ANKDD1B: variants seen among roughly 807,000 people sequenced by gnomAD.
The protein encoded by ANKDD1B is ankyrin repeat and death domain containing 1B.
A neutral mutation model predicts 59.7 loss-of-function variants in ANKDD1B; 57 were observed. That is an observed-to-expected ratio of 0.95 (90% CI 0.77 to 1.19). The LOEUF is 1.19. Ranked by LOEUF, ANKDD1B falls within the 50% of genes most tolerant of loss-of-function variation. The pLI is 0.00. For missense variants in ANKDD1B, 602 were observed against 641.9 expected (o/e 0.94, Z 0.67); for synonymous variants, 216 against 239.5 (o/e 0.90, Z 0.91).
chr5:75,630,651 A>C (rs1406554737), intron 5 of ANKDD1B, among the ~76,000 whole-genome samples: 2 of 152,254 alleles, frequency 1.3e-5, no homozygotes, highest in Non-Finnish European at 2.9e-5. Context: ...TACCAAACTG[A>C]TAAATATGTA....
intron 9 of ANKDD1B, among the ~76,000 whole-genome samples, chr5:75,658,151 C>G (rs773456195): frequency 3.3e-5 from 5 of 152,056 alleles, no homozygotes; most frequent in Admixed American, 6.6e-5. Flanking sequence ...GAGCTACTAT[C>G]ATGCTACTGC....
At chr5:75,632,738 C>G (rs113989081) in intron 5 of ANKDD1B, among the ~76,000 whole-genome samples, 1 of 152,184 alleles carries the variant, frequency 6.6e-6, no homozygotes, top group African/African-American at 2.4e-5. Context: ...CACAAACACA[C>G]TCATGCTGAG....
intron 10 of ANKDD1B, among the ~76,000 whole-genome samples, chr5:75,661,789 C>T (rs16872724): frequency 0.063 from 9,573 of 151,890 alleles, 483 homozygotes; most frequent in South Asian, 0.16. Flanking sequence ...CATGATTTGA[C>T]TTTCCCAGAT....
At chr5:75,611,890 G>C in intron 1 of ANKDD1B, 63 bp downstream of exon 1, 1 of 1,206,196 alleles carries the variant, frequency 8.3e-7, no homozygotes, top group African/African-American at 1.6e-5. Context: ...GAAGGGACTT[G>C]AGAAGGTACC....
intron 10 of ANKDD1B, among the ~76,000 whole-genome samples, chr5:75,660,002 T>C (rs1775085530): frequency 1.3e-5 from 2 of 152,208 alleles, no homozygotes; most frequent in Admixed American, 6.5e-5. Flanking sequence ...CCTCACTTGA[T>C]TGACATTTAA....
At chr5:75,624,705 G>A (rs1773944662) in intron 3 of ANKDD1B, among the ~76,000 whole-genome samples, 1 of 152,022 alleles carries the variant, frequency 6.6e-6, no homozygotes, top group African/African-American at 2.4e-5. Context: ...TGAGATATGT[G>A]TGTTTATTTC....
At chr5:75,628,797 T>C (rs777542105) in intron 5 of ANKDD1B, among the ~76,000 whole-genome samples, 100 of 152,322 alleles carry the variant, frequency 6.6e-4, no homozygotes, top group Non-Finnish European at 1.2e-3. Context: ...ATAAAAATCA[T>C]TGAGGCCTTT....
chr5:75,635,122 A>C (rs980598588), intron 6 of ANKDD1B, 126 bp downstream of exon 6: 16 of 623,164 alleles, frequency 2.6e-5, no homozygotes, highest in Non-Finnish European at 3.6e-5. Context: ...TTAAATTGCT[A>C]CTGTACTCAG....
At chr5:75,643,306 G>A (rs1180189152) in intron 7 of ANKDD1B, among the ~76,000 whole-genome samples, 233 of 36,714 alleles carry the variant, frequency 6.3e-3, no homozygotes, top group African/African-American at 0.013. Flanking sequence ...TCTGAGCTAC[G>A]GGAGGACATT....
At position 75,671,842 on chromosome 5, in the gene ANKDD1B, T is replaced by C. The variant is rs905866338; in HGVS notation, c.*802T>C. 1 of 149,462 alleles carries C rather than the reference T, an allele frequency of 6.7e-6. No homozygotes were observed. Among genetic ancestry groups the C allele is most frequent in the Non-Finnish European group, 1.5e-5 (1 of 67,924 alleles). 9.3% of individuals were successfully genotyped at this position (149,462 alleles called of 1,614,324 possible). A position where few individuals can be genotyped will look rare whatever the true frequency, so the allele number is the denominator to read the frequency against. On this transcript the variant is annotated 3_prime_UTR_variant, in exon 14 of 14. Transcript: ENST00000601380. ...GTTATGAAATAAATGTAAAATTGAG[T>C]GTCAGTTTATGTGCACCTATTCATT...
At chr5:75,653,775 A>T (rs17563312) in intron 8 of ANKDD1B, among the ~76,000 whole-genome samples, 6,650 of 152,334 alleles carry the variant, frequency 0.044, 186 homozygotes, top group Non-Finnish European at 0.064. Context: ...TCCGTTGAGA[A>T]TATGATTTCC....
At chr5:75,615,046 A>C (rs1185387167) in intron 1 of ANKDD1B, among the ~76,000 whole-genome samples, 3 of 152,196 alleles carry the variant, frequency 2.0e-5, no homozygotes, top group East Asian at 3.8e-4. Flanking sequence ...TATGGCAGCA[A>C]AAACAGACTG....
At chr5:75,666,763 A>T (rs1282115845) in intron 11 of ANKDD1B, 29 bp from the exon 12 acceptor site, 1 of 1,473,226 alleles carries the variant, frequency 6.8e-7, no homozygotes, top group Non-Finnish European at 9.2e-7. Context: ...CATGTCTGAA[A>T]TCTTCTGATA....
At chr5:75,615,668 CTGTGTGTGTGTGTGTGTGTGTG>C (rs113185824) in intron 1 of ANKDD1B, among the ~76,000 whole-genome samples, 1 of 144,238 alleles carries the variant, frequency 6.9e-6, no homozygotes, top group East Asian at 2.0e-4. Context: ...CTGGTCTTCC[CTGTGTGTGTGTGTGTGTGTGTG>C]TGTGTGTGTG....
chr5:75,650,884 C>T (rs910232358), intron 7 of ANKDD1B, among the ~76,000 whole-genome samples: 31 of 152,132 alleles, frequency 2.0e-4, no homozygotes, highest in African/African-American at 7.5e-4. Flanking sequence ...TGGAAGTCAG[C>T]CAGGATTTTG....
At chr5:75,640,011 T>C (rs1774421507) in intron 7 of ANKDD1B, among the ~76,000 whole-genome samples, 1 of 152,192 alleles carries the variant, frequency 6.6e-6, no homozygotes, top group African/African-American at 2.4e-5. Context: ...TGTTTCATAC[T>C]GTACTATAAT....
chr5:75,632,770 C>T (rs996345082), intron 5 of ANKDD1B, among the ~76,000 whole-genome samples: 2 of 152,176 alleles, frequency 1.3e-5, no homozygotes, highest in Non-Finnish European at 2.9e-5. Flanking sequence ...CATATATAAG[C>T]AGCACTCGGT....
At chr5:75,666,304 A>G (rs1446408673) in intron 11 of ANKDD1B, among the ~76,000 whole-genome samples, 1 of 152,158 alleles carries the variant, frequency 6.6e-6, no homozygotes, top group African/African-American at 2.4e-5. Context: ...CTAGGCTCCT[A>G]GTTTACTCTC....
intron 3 of ANKDD1B, among the ~76,000 whole-genome samples, chr5:75,622,159 A>G (rs1038952214): frequency 6.6e-6 from 1 of 152,132 alleles, no homozygotes; most frequent in Admixed American, 6.5e-5. Context: ...TTCACCATCA[A>G]TATTTATTCA....
Sources: gnomAD v4.1 joint callset for allele counts (sites outside exome capture counted in the v4.1 genomes callset) on GRCh38, gnomAD v4.1.1 for gene constraint, MANE v1.5 for transcripts, NCBI Gene and HGNC (gene_info 2026-07-23, HGNC 2026-07-21) for gene names.